Variants in ALMS1 observed in about 807,000 individuals in gnomAD.
ALMS1 encodes ALMS1 centrosome and basal body associated protein.
In ALMS1, 271 loss-of-function variants were observed where a neutral mutation model predicts 352.2. That is an observed-to-expected ratio of 0.77 (90% CI 0.70 to 0.85). ALMS1 has a LOEUF of 0.85. ALMS1 is among the 40% of genes least tolerant of loss of function. The pLI, the probability that ALMS1 is intolerant of heterozygous loss-of-function variation, is 0.00. For synonymous variants in ALMS1, 1,865 were observed against 1,761.2 expected (o/e 1.06, Z -1.48); for missense variants, 5,445 against 4,870.7 (o/e 1.12, Z -3.51).
chr2:73,467,518 G>A (rs1028818085), intron 9 of ALMS1, among the ~76,000 whole-genome samples: 1 of 151,982 alleles, frequency 6.6e-6, no homozygotes, highest in Admixed American at 6.6e-5. Flanking sequence ...AGGTAAACTG[G>A]TACACAACTC....
intron 1 of ALMS1, among the ~76,000 whole-genome samples, chr2:73,393,637 A>G (rs1442974790): frequency 6.6e-6 from 1 of 151,978 alleles, no homozygotes; most frequent in African/African-American, 2.4e-5. Flanking sequence ...TTTAGCTCCC[A>G]CTTGGAAGAA....
chr2:73,445,940 TAAG>T (rs200628702), intron 7 of ALMS1, among the ~76,000 whole-genome samples: 1,575 of 152,268 alleles, frequency 0.01, 40 homozygotes, highest in African/African-American at 0.036. Context: ...GAGAGAATAA[TAAG>T]GACTCTAAAA....
At chr2:73,546,516 G>A (rs1398510385) in intron 12 of ALMS1, among the ~76,000 whole-genome samples, 2 of 152,172 alleles carry the variant, frequency 1.3e-5, no homozygotes, top group Admixed American at 6.5e-5. Flanking sequence ...TTATGTTCAC[G>A]TTGGTTGACA....
In ALMS1 at chr2:73,489,935, C is replaced by G. The variant is rs537509954; in HGVS notation, c.7976C>G (p.Pro2659Arg). The G allele has an allele frequency of 3.8e-5, 61 of 1,614,162 alleles. No individual in the cohort carries two copies. In the East Asian group the frequency reaches 1.3e-3, roughly 34 times the overall value. ...KSHSPFQNFI[P>R]DEFKISKGLR... ...CATTCCCCATTTCAGAACTTTATAC[C>G]TGATGAATTCAAAATCAGCAAAGGT... is the stretch of plus-strand genomic sequence containing the variant. Residue 2659 changes from proline to arginine, a missense_variant, in exon 10 of 23, where the codon CCT becomes CGT. Pro to Arg is a moderately radical substitution (Grantham distance 103, BLOSUM62 -2). Transcript: ENST00000613296.
At chr2:73,534,326 A>G (rs186027868) in intron 11 of ALMS1, among the ~76,000 whole-genome samples, 1 of 152,288 alleles carries the variant, frequency 6.6e-6, no homozygotes, top group East Asian at 1.9e-4. Context: ...GCCCTGTCAC[A>G]TAGATGAGAA....
rs2103792354 is a variant in ALMS1 at position 73,453,556 on chromosome 2, A to G, written c.7029A>G (p.Lys2343=). 6.2e-7 allele frequency: 1 copy of G among 1,613,932 alleles called. No individual in the cohort carries two copies. Among genetic ancestry groups the G allele is most frequent in the Non-Finnish European group, 8.5e-7 (1 of 1,179,992 alleles). The change falls in exon 8 of 23, where the codon AAA becomes AAG. Residue 2343 remains lysine (K), a synonymous_variant. Transcript: ENST00000613296. ...ATATTGGCACACAGACGAATTTGAA[A>G]TGCCGGAGAGGCATTGAAAATTGGG... is the stretch of plus-strand genomic sequence containing the variant. The part of the protein sequence containing the change: ...QKDIGTQTNL[K]CRRGIENWEF...
intron 15 of ALMS1, among the ~76,000 whole-genome samples, chr2:73,568,991 G>GCCT (rs1558697958): frequency 1.9e-4 from 16 of 82,168 alleles, no homozygotes; most frequent in African/African-American, 5.3e-4. Context: ...TGCTGCTTCT[G>GCCT]CTTCTTTTTT....
intron 4 of ALMS1, 149 bp downstream of exon 4, chr2:73,423,123 C>G: frequency 1.4e-6 from 1 of 709,286 alleles, no homozygotes; most frequent in South Asian, 1.5e-5. Context: ...TGTACTAAGA[C>G]TTGATGCATA....
At chr2:73,481,313 G>A (rs1672698466) in intron 9 of ALMS1, among the ~76,000 whole-genome samples, 1 of 152,104 alleles carries the variant, frequency 6.6e-6, no homozygotes, top group Non-Finnish European at 1.5e-5. Flanking sequence ...AGTTTTCCCA[G>A]CACCATTTAT....
rs1672981911 is a variant in ALMS1, at chr2:73,491,353, C to T, written c.9394C>T (p.Leu3132Phe). 1.9e-6 allele frequency: 3 copies of T among 1,614,078 alleles called. No homozygotes were observed. The highest frequency in any genetic ancestry group is 2.2e-5 in the East Asian group (1 of 44,886). ...GGATTTCCAAGTCGTACAGCCTTCT[C>T]TTCCAGACAGTAACACTATTACTCA... ...SLDFQVVQPS[L>F]PDSNTITQDL... The change falls in exon 10 of 23, where the codon CTT becomes TTT. Residue 3132 changes from leucine (L) to phenylalanine (F), a missense_variant. Leu to Phe is a conservative substitution (Grantham distance 22). Coordinates refer to ENST00000613296, the MANE Select transcript of ALMS1 (RefSeq NM_001378454.1).
intron 2 of ALMS1, 63 bp from the exon 3 acceptor site, chr2:73,419,060 A>C: frequency 2.2e-6 from 3 of 1,359,810 alleles, no homozygotes; most frequent in Non-Finnish European, 3.1e-6. Context: ...TTTTCATCTA[A>C]ATATTAATAT....
chr2:73,592,333 A>G (rs1199772171), intron 16 of ALMS1, among the ~76,000 whole-genome samples: 1 of 152,238 alleles, frequency 6.6e-6, no homozygotes, highest in African/African-American at 2.4e-5. Context: ...TAGGAATTAA[A>G]TGTATGTCAC....
At chr2:73,576,771 A>G (rs1168233338) in intron 16 of ALMS1, among the ~76,000 whole-genome samples, 1 of 151,378 alleles carries the variant, frequency 6.6e-6, no homozygotes, top group Non-Finnish European at 1.5e-5. Context: ...CAGGTGCCTG[A>G]CACCATGCCC....
At chr2:73,394,179 C>T (rs966631828) in intron 1 of ALMS1, among the ~76,000 whole-genome samples, 2 of 152,084 alleles carry the variant, frequency 1.3e-5, no homozygotes, top group Non-Finnish European at 2.9e-5. Context: ...GGGGAGTTCT[C>T]CAACTTTGCT....
rs758047046 is a variant in ALMS1, at chr2:73,448,749, C to T, written c.2222C>T (p.Thr741Ile). ...AGTCATCAAACTGAAGAGACTCTTA[C>T]TAAAGTTTCAGCCACTCCTGGACCA... ...ADSHQTEETL[T>I]KVSATPGPAD... Residue 741 changes from threonine (T) to isoleucine (I), a missense_variant, in exon 8 of 23, where the codon ACT becomes ATT. Thr to Ile is a moderately conservative substitution (Grantham distance 89). Coordinates refer to ENST00000613296, the MANE Select transcript of ALMS1 (RefSeq NM_001378454.1). The T allele has an allele frequency of 1.8e-5, 29 of 1,605,092 alleles. No individual in the cohort carries two copies. The East Asian group carries it at 5.8e-4, about 32-fold the overall frequency.
Position 73,453,756 on chromosome 2 carries a change from T to C in ALMS1, c.7229T>C (p.Val2410Ala). ...AAAATTATTATCCCTATGATGACTG[T>C]CATAAAAAGTGATTCAAGTAGTGAT... ...GNKIIIPMMT[V>A]IKSDSSSDAS... The change falls in exon 8 of 23, where the codon GTC becomes GCC. Residue 2410 changes from valine (V) to alanine (A), a missense_variant. Transcript: ENST00000613296. 6.2e-7 allele frequency: 1 copy of C among 1,614,112 alleles called. No individual in the cohort carries two copies. The highest frequency in any genetic ancestry group is 2.2e-5 in the East Asian group (1 of 44,888).
In ALMS1 at chr2:73,449,406, A is replaced by C; in HGVS notation, c.2879A>C (p.Lys960Thr). 6.2e-7 allele frequency: 1 copy of C among 1,614,128 alleles called. No homozygotes were observed. The highest frequency in any genetic ancestry group is 8.5e-7 in the Non-Finnish European group (1 of 1,179,996). Residue 960 changes from lysine (K) to threonine (T), a missense_variant, in exon 8 of 23, where the codon AAA (lysine) becomes ACA (threonine). Physicochemically the swap from Lys to Thr is moderately conservative, Grantham distance 78 (BLOSUM62 -1). Transcript: ENST00000613296. ...VSSNSHSHSE[K>T]SSVFYQQELP... The stretch of plus-strand genomic sequence containing the variant: ...TCTAATTCTCACTCACATAGCGAGA[A>C]ATCTAGTGTTTTCTACCAGCAAGAG...
rs1675683918 is a variant in ALMS1, at chr2:73,601,389, G to A, written c.12067G>A (p.Glu4023Lys). Residue 4023 changes from glutamate to lysine, a missense_variant, in exon 19 of 23, where the codon GAG (glutamate) becomes AAG (lysine). Glu to Lys is a moderately conservative substitution (Grantham distance 56). Coordinates refer to ENST00000613296, the MANE Select transcript of ALMS1 (RefSeq NM_001378454.1). ...GRGYLAGPGR[E>K]AGRDLLRPFV... ...GGGCTACCTGGCAGGCCCAGGCAGA[G>A]AGGCTGGCAGAGACCTACTGAGGCC... is the stretch of plus-strand genomic sequence containing the variant. 6.2e-7 allele frequency: 1 copy of A among 1,614,116 alleles called. No individual in the cohort carries two copies. The highest frequency in any genetic ancestry group is 8.5e-7 in the Non-Finnish European group (1 of 1,179,950).
chr2:73,453,915 A>G lies in ALMS1; in HGVS notation c.7388A>G (p.Glu2463Gly), dbSNP rs371640712. 6.8e-6 allele frequency: 11 copies of G among 1,613,990 alleles called. No homozygotes were observed. The African/African-American group carries it at 9.3e-5, about 14-fold the overall frequency. The change falls in exon 8 of 23, where the codon GAG becomes GGG. Residue 2463 changes from glutamate to glycine, a missense_variant. Coordinates refer to ENST00000613296, the MANE Select transcript of ALMS1 (RefSeq NM_001378454.1). The stretch of plus-strand genomic sequence containing the variant: ...AGTATAACAGATAGCAGGGAGGAAG[A>G]GGGTGTGTCAGAGAGTGAGGATGGT... The part of the protein sequence containing the change: ...KTSITDSREE[E>G]GVSESEDGGG...
Sources: allele counts gnomAD v4.1 joint callset (sites outside exome capture counted in the v4.1 genomes callset), GRCh38; gene constraint gnomAD v4.1.1; transcripts MANE v1.5; gene names NCBI Gene and HGNC (gene_info 2026-07-23, HGNC 2026-07-21).